Variants in PAICS observed in about 807,000 individuals in gnomAD.
The protein encoded by PAICS is phosphoribosylaminoimidazole carboxylase and phosphoribosylaminoimidazolesuccinocarboxamide synthase.
PAICS carries 33 observed loss-of-function variants against 53.7 expected under a neutral mutation model. The ratio of observed to expected loss-of-function variants is 0.61; its 90% CI spans 0.47 to 0.82. PAICS has a LOEUF of 0.82. Ranked by LOEUF, PAICS falls within the 40% of genes least tolerant of loss-of-function variation. PAICS has a pLI of 0.00. For synonymous variants in PAICS, 141 were observed against 167.2 expected (o/e 0.84, Z 1.21); for missense variants, 394 against 494.1 (o/e 0.80, Z 1.92).
the PAICS span, among the ~76,000 whole-genome samples, chr4:56,425,768 G>C: frequency 1.9e-4 from 29 of 152,322 alleles, no homozygotes; most frequent in Non-Finnish European, 8.8e-5. Context: ...TGACCTCCAT[G>C]AAGGAGAGTG....
At chr4:56,437,163 G>T (rs922238461) in intron 1 of PAICS, among the ~76,000 whole-genome samples, 2 of 150,832 alleles carry the variant, frequency 1.3e-5, no homozygotes, top group African/African-American at 2.4e-5. Context: ...GATGTCATGG[G>T]TGTGTATGTG....
chr4:56,455,405 G>A (rs1560664942), intron 8 of PAICS, among the ~76,000 whole-genome samples: 2 of 152,074 alleles, frequency 1.3e-5, no homozygotes, highest in Admixed American at 6.5e-5. Flanking sequence ...CCTCCAACCT[G>A]GTCCAGTGGA....
chr4:56,443,054 A>G (rs183747540), intron 2 of PAICS, among the ~76,000 whole-genome samples: 1 of 152,316 alleles, frequency 6.6e-6, no homozygotes, highest in Admixed American at 6.5e-5. Context: ...CACAGAATCT[A>G]AGATTTTTAT....
intron 2 of PAICS, among the ~76,000 whole-genome samples, chr4:56,443,856 TA>T (rs1490068223): frequency 6.6e-6 from 1 of 152,204 alleles, no homozygotes; most frequent in Non-Finnish European, 1.5e-5. Context: ...AATACTCCAA[TA>T]ATTATCTTTA....
rs1228118914 is a variant in PAICS, at chr4:56,441,917, CT to C, written c.214+60del. ...CCTTCTCTGGTAAGCATGTCGATGT[CT>C]TTCATGTGAAGTTGGCATTAATATG... On this transcript the variant is annotated intron_variant, in intron 2 of 8. Transcript: ENST00000512576. 5.0e-6 allele frequency: 6 copies of C among 1,194,982 alleles called. No homozygotes were observed. In the East Asian group the frequency reaches 1.5e-4, roughly 30 times the overall value. 74.0% of individuals were successfully genotyped at this position (1,194,982 alleles called of 1,614,324 possible).
chr4:56,453,482 A>C, intron 7 of PAICS, 121 bp from the exon 8 acceptor site: 1 of 541,682 alleles, frequency 1.8e-6, no homozygotes, highest in Non-Finnish European at 3.2e-6. Context: ...TTTTCAGAGA[A>C]GACTATTCAA....
chr4:56,458,102 C>CA (rs889648764), intron 8 of PAICS, among the ~76,000 whole-genome samples: 5 of 151,980 alleles, frequency 3.3e-5, no homozygotes, highest in African/African-American at 4.8e-5. Flanking sequence ...GCATGATAAG[C>CA]AAAAAATTGG....
chr4:56,445,140 T>A (rs937218072), intron 2 of PAICS, among the ~76,000 whole-genome samples: 5 of 152,236 alleles, frequency 3.3e-5, no homozygotes, highest in Non-Finnish European at 5.9e-5. Flanking sequence ...TTTTTTCATT[T>A]GAGTCTTACG....
chr4:56,437,835 A>G (rs1239511115), intron 1 of PAICS, among the ~76,000 whole-genome samples: 6 of 150,776 alleles, frequency 4.0e-5, no homozygotes, highest in South Asian at 2.1e-4. Context: ...AAAAAAAAAA[A>G]AAAAAAAAAA....
At chr4:56,412,574 G>A in the PAICS span, among the ~76,000 whole-genome samples, 4 of 152,092 alleles carry the variant, frequency 2.6e-5, no homozygotes, top group South Asian at 2.1e-4. Flanking sequence ...AGTGAGGCAC[G>A]ATCCACCACA....
chr4:56,448,368 T>G lies in PAICS; in HGVS notation c.394-50T>G, dbSNP rs146101313. 5.9e-4 allele frequency: 779 copies of G among 1,325,228 alleles called. 2 individuals carry two copies. In the African/African-American group the frequency reaches 0.01, roughly 18 times the overall value. The allele number at this position is 1,325,228 out of a possible 1,614,324, so 82.1% of individuals were successfully genotyped here. On this transcript the variant is annotated intron_variant, in intron 3 of 8. Coordinates refer to ENST00000512576, the MANE Select transcript of PAICS (RefSeq NM_001079524.2). ...AAAGGATGTTGGTTTTTCTGAAAAG[T>G]TTAAAAATTTTAGATTGAAGTTAAT...
At chr4:56,439,254 T>G (rs892210522) in intron 1 of PAICS, among the ~76,000 whole-genome samples, 7 of 152,210 alleles carry the variant, frequency 4.6e-5, no homozygotes, top group Admixed American at 1.3e-4. Flanking sequence ...TGTTTTTTCT[T>G]GAGACGGAGT....
chr4:56,437,397 T>C (rs1011496866), intron 1 of PAICS, among the ~76,000 whole-genome samples: 3 of 152,096 alleles, frequency 2.0e-5, no homozygotes, highest in Non-Finnish European at 4.4e-5. Context: ...TTGCTATTTA[T>C]GCTGGAAAAA....
At chr4:56,435,614 C>T (rs902932887), upstream of PAICS, 2 of 1,495,674 alleles carry the variant, frequency 1.3e-6, no homozygotes, top group African/African-American at 1.4e-5. Context: ...GCCCCAGCTA[C>T]TGCGGCGGCG....
At chr4:56,453,480 G>T (rs1364768007) in intron 7 of PAICS, 123 bp from the exon 8 acceptor site, 13 of 532,498 alleles carry the variant, frequency 2.4e-5, no homozygotes, top group Non-Finnish European at 4.3e-5. Context: ...TTTTTTCAGA[G>T]AAGACTATTC....
In PAICS at chr4:56,464,279, ATTAACC is replaced by A. The variant is rs1719607355; in HGVS notation, c.*4744_*4749del. On this transcript the variant is annotated 3_prime_UTR_variant, in exon 9 of 9. Transcript: ENST00000512576. ...CCCTGGGAATGCAAAGATGAACAAA[ATTAACC>A]TTCTGCTCTCAATGAATCTTGGAAG... The A allele has an allele frequency of 6.6e-6, 1 of 152,212 alleles. No homozygotes were observed. The highest frequency in any genetic ancestry group is 1.5e-5 in the Non-Finnish European group (1 of 68,048). The allele number at this position is 152,212 out of a possible 1,614,324, so 9.4% of individuals were successfully genotyped here. A position where few individuals can be genotyped will look rare whatever the true frequency, so the allele number is the denominator to read the frequency against.
chr4:56,412,694 A>G, the PAICS span, among the ~76,000 whole-genome samples: 1 of 152,144 alleles, frequency 6.6e-6, no homozygotes, highest in Non-Finnish European at 1.5e-5. Flanking sequence ...GTCAGTCACT[A>G]AGTCTTTAAA....
At chr4:56,441,301 C>G (rs1308958713) in intron 1 of PAICS, among the ~76,000 whole-genome samples, 1 of 152,034 alleles carries the variant, frequency 6.6e-6, no homozygotes, top group Non-Finnish European at 1.5e-5. Context: ...AATTTTAATT[C>G]TAGTTCAGTT....
chr4:56,454,318 T>G (rs1719080939), intron 8 of PAICS, among the ~76,000 whole-genome samples: 1 of 152,150 alleles, frequency 6.6e-6, no homozygotes, highest in Admixed American at 6.6e-5. Context: ...TGAATTGTGG[T>G]GGAAATTGGG....
Sources: gnomAD v4.1 joint callset for allele counts (sites outside exome capture counted in the v4.1 genomes callset) on GRCh38, gnomAD v4.1.1 for gene constraint, MANE v1.5 for transcripts, NCBI Gene and HGNC (gene_info 2026-07-23, HGNC 2026-07-21) for gene names.